TRANK1: variants seen among roughly 807,000 people sequenced by gnomAD.
TRANK1 encodes tetratricopeptide repeat and ankyrin repeat containing 1, also known as TPR and ankyrin repeat-containing protein 1.
In TRANK1, 198 loss-of-function variants were observed where a neutral mutation model predicts 266.0. That is an observed-to-expected ratio of 0.74 (90% CI 0.66 to 0.84). TRANK1 has a LOEUF of 0.84. Ranked by LOEUF, TRANK1 falls within the 40% of genes least tolerant of loss-of-function variation. The probability of loss-of-function intolerance (pLI) is 0.00; values close to 1 mark genes in which losing one functional copy is unlikely to be tolerated. For synonymous variants in TRANK1, 1,396 were observed against 1,384.1 expected, an observed-to-expected ratio of 1.01 and a Z score of -0.19; for missense variants, 3,326 against 3,634.6, an observed-to-expected ratio of 0.92 and a Z score of 2.18.
chr3:36,942,138 C>T (rs760924949), intron 1 of TRANK1, among the ~76,000 whole-genome samples: 3 of 152,148 alleles, frequency 2.0e-5, no homozygotes, highest in Non-Finnish European at 2.9e-5. Flanking sequence ...ATAATGAGGG[C>T]ATATACTATA....
chr3:36,830,817 T>C, intron 22 of TRANK1, 56 bp downstream of exon 22: 1 of 1,505,060 alleles, frequency 6.6e-7, no homozygotes, highest in Non-Finnish European at 8.9e-7. Flanking sequence ...CCCTGAGAAA[T>C]GTCCTCAGAG....
intron 11 of TRANK1, among the ~76,000 whole-genome samples, chr3:36,860,126 G>A (rs1276578072): frequency 4.6e-5 from 7 of 152,114 alleles, no homozygotes; most frequent in African/African-American, 7.2e-5. Context: ...CATACAGCAC[G>A]AAGCAAGCAG....
chr3:36,918,517 A>AGG (rs1172400559), intron 1 of TRANK1, among the ~76,000 whole-genome samples: 18 of 39,018 alleles, frequency 4.6e-4, no homozygotes, highest in African/African-American at 1.5e-3. Flanking sequence ...GAAAGAAAGA[A>AGG]AGAAAGAAAG....
intron 2 of TRANK1, among the ~76,000 whole-genome samples, chr3:36,904,038 AACCTCC>A (rs1559464810): frequency 6.6e-6 from 1 of 151,868 alleles, no homozygotes; most frequent in African/African-American, 2.4e-5. Context: ...AGCTCACTGC[AACCTCC>A]ACCTCCTGGG....
At position 36,864,385 on chromosome 3, in the gene TRANK1, A is replaced by G; in HGVS notation, c.1174T>C (p.Leu392=). ...VKYMNSGNRL[L]HKNFLKQEVV... is the part of the protein sequence containing the mutation. ...TCCTGCTTCAGAAAGTTTTTATGCA[A>G]TAACCGGTTTCCTGAGTTCATATAC... Residue 392 remains leucine (L), a synonymous_variant, in exon 10 of 24, where the codon TTG becomes CTG. Transcript: ENST00000645898. The G allele has an allele frequency of 6.5e-7, 1 of 1,536,936 alleles. No individual in the cohort carries two copies. The highest frequency in any genetic ancestry group is 8.7e-7 in the Non-Finnish European group (1 of 1,146,688).
At chr3:36,938,001 C>T (rs377088948) in intron 1 of TRANK1, among the ~76,000 whole-genome samples, 2 of 152,174 alleles carry the variant, frequency 1.3e-5, no homozygotes, top group East Asian at 3.8e-4. Flanking sequence ...CCCAAGACCA[C>T]AGCAATTTGC....
chr3:36,937,993 C>T (rs2080446212), intron 1 of TRANK1, among the ~76,000 whole-genome samples: 1 of 152,152 alleles, frequency 6.6e-6, no homozygotes, highest in African/African-American at 2.4e-5. Flanking sequence ...CTCCCAACCC[C>T]AAGACCACAG....
intron 8 of TRANK1, among the ~76,000 whole-genome samples, chr3:36,879,673 A>AATATATAAAT (rs1559448288): frequency 2.6e-4 from 22 of 83,502 alleles, no homozygotes; most frequent in Admixed American, 9.2e-4. Flanking sequence ...AATATATATA[A>AATATATAAAT]ATATATAAAT....
chr3:36,943,675 C>T (rs1392997180), intron 1 of TRANK1, among the ~76,000 whole-genome samples: 2 of 151,558 alleles, frequency 1.3e-5, no homozygotes, highest in Non-Finnish European at 2.9e-5. Context: ...AGGATGCCAT[C>T]CGGATAACAG....
intron 3 of TRANK1, among the ~76,000 whole-genome samples, chr3:36,900,296 C>T (rs983483891): frequency 1.3e-5 from 2 of 152,008 alleles, no homozygotes; most frequent in Admixed American, 6.6e-5. Flanking sequence ...TTTTTCCTGC[C>T]CCTTTCAAAG....
At chr3:36,840,279 TC>T (rs1341440189) in intron 18 of TRANK1, among the ~76,000 whole-genome samples, 5 of 151,938 alleles carry the variant, frequency 3.3e-5, no homozygotes, top group Non-Finnish European at 5.9e-5. Flanking sequence ...GGCCAAACAT[TC>T]AGTGTTTCTT....
intron 15 of TRANK1, among the ~76,000 whole-genome samples, chr3:36,847,985 A>G (rs935279185): frequency 5.9e-5 from 9 of 152,218 alleles, no homozygotes; most frequent in African/African-American, 2.2e-4. Context: ...AATAGTTGAC[A>G]TTTTACCCAT....
chr3:36,879,040 A>G (rs903379874), intron 8 of TRANK1, among the ~76,000 whole-genome samples: 6 of 152,020 alleles, frequency 3.9e-5, no homozygotes, highest in African/African-American at 1.4e-4. Flanking sequence ...CTTGATACAC[A>G]TGGCTTCAGG....
chr3:36,849,733 A>G (rs984270005), intron 15 of TRANK1, among the ~76,000 whole-genome samples: 6 of 152,188 alleles, frequency 3.9e-5, no homozygotes, highest in Non-Finnish European at 7.4e-5. Flanking sequence ...CTCTCCTTTT[A>G]TGAAAGCGTT....
rs539362809 is a variant in TRANK1 at position 36,857,269 on chromosome 3, C to T, written c.2453G>A (p.Ser818Asn). 2.5e-6 allele frequency: 4 copies of T among 1,610,922 alleles called. No homozygotes were observed. The highest frequency in any genetic ancestry group is 2.2e-5 in the South Asian group (2 of 90,512). Residue 818 changes from serine to asparagine, a missense_variant, in exon 13 of 24, where the codon AGC becomes AAC. Physicochemically the swap from Ser to Asn is conservative, Grantham distance 46. Coordinates refer to ENST00000645898, the MANE Select transcript of TRANK1 (RefSeq NM_001329998.2). The surrounding 1 kb of genome is among the most constrained non-coding windows in gnomAD (Gnocchi z 4.3). The stretch of plus-strand genomic sequence containing the variant: ...GAGGCAGGCCTCAATCTCCTGCGTG[C>T]TCCAGTCATCCTGATCATCATTGCC... ...KEGNDDQDDWSTQEIEACLQD... is the reference protein window; with the variant it reads ...KEGNDDQDDWNTQEIEACLQD...
chr3:36,921,351 C>G (rs139843051), intron 1 of TRANK1, among the ~76,000 whole-genome samples: 550 of 152,358 alleles, frequency 3.6e-3, no homozygotes, highest in Non-Finnish European at 5.8e-3. Context: ...ATTCACGAGT[C>G]ACATCCTCCT....
At chr3:36,886,076 T>C (rs1255589346) in intron 8 of TRANK1, among the ~76,000 whole-genome samples, 1 of 151,580 alleles carries the variant, frequency 6.6e-6, no homozygotes, top group Non-Finnish European at 1.5e-5. Flanking sequence ...TGGCAGCCTA[T>C]GTTGACATCT....
At chr3:36,898,029 G>A (rs564992885) in intron 4 of TRANK1, among the ~76,000 whole-genome samples, 2 of 152,150 alleles carry the variant, frequency 1.3e-5, no homozygotes, top group Admixed American at 6.5e-5. Flanking sequence ...TGCAGTGCCG[G>A]GTATTGAGCT....
chr3:36,892,144 GT>G (rs2079706942), intron 7 of TRANK1, 57 bp downstream of exon 7: 4 of 1,515,188 alleles, frequency 2.6e-6, no homozygotes, highest in Non-Finnish European at 3.5e-6. Context: ...GCTCAACAGA[GT>G]TCCAGAACTA....
Sources: allele counts gnomAD v4.1 joint callset (sites outside exome capture counted in the v4.1 genomes callset), GRCh38; gene constraint gnomAD v4.1.1; non-coding constraint Gnocchi (gnomAD v3.1); transcripts MANE v1.5; gene names NCBI Gene and HGNC (gene_info 2026-07-23, HGNC 2026-07-21).